Variants in AHCYL2 observed in about 807,000 individuals in gnomAD.
AHCYL2 encodes the protein S-adenosylhomocysteine hydrolase-like protein 2.
AHCYL2 carries 28 observed loss-of-function variants against 81.4 expected under a neutral mutation model. The ratio of observed to expected loss-of-function variants is 0.34; its 90% confidence interval spans 0.25 to 0.47. AHCYL2 has a LOEUF of 0.47. Ranked by LOEUF, AHCYL2 falls within the 20% of genes least tolerant of loss-of-function variation. The pLI, the probability that AHCYL2 is intolerant of heterozygous loss-of-function variation, is 1.00. For missense variants in AHCYL2, 551 were observed against 785.1 expected, an observed-to-expected ratio of 0.70 and a Z score of 3.56; for synonymous variants, 272 against 290.2, an observed-to-expected ratio of 0.94 and a Z score of 0.64.
intron 1 of AHCYL2, among the ~76,000 whole-genome samples, chr7:129,242,235 A>G (rs1172263066): frequency 6.6e-6 from 1 of 152,116 alleles, no homozygotes; most frequent in Non-Finnish European, 1.5e-5. Flanking sequence ...TGTGTTGCCC[A>G]GTCTGGTCTC....
At chr7:129,393,999 T>C (rs545399025) in intron 4 of AHCYL2, among the ~76,000 whole-genome samples, 14 of 152,180 alleles carry the variant, frequency 9.2e-5, no homozygotes, top group Admixed American at 8.5e-4. Context: ...AGTAATTTCT[T>C]TTTTTGTTGT....
At chr7:129,247,500 C>G (rs1031856855) in intron 1 of AHCYL2, among the ~76,000 whole-genome samples, 1 of 152,146 alleles carries the variant, frequency 6.6e-6, no homozygotes, top group African/African-American at 2.4e-5. Flanking sequence ...ATACTTTCTC[C>G]TAGTCTGTGG....
rs59849233 is a variant in AHCYL2, at chr7:129,280,178, C to CTTTTT, written c.363+54746_363+54750dup. On this transcript the variant is annotated intron_variant, in intron 1 of 16. Coordinates refer to ENST00000325006, the MANE Select transcript of AHCYL2 (RefSeq NM_015328.4). ...TTATAGTCTTTAAGTTTGCTAAATA[C>CTTTTT]TTTTTTTTTTTGAGAGAGTCTCGCT... Among the ~76,000 whole-genome samples, 181 of 112,554 alleles carry CTTTTT rather than the reference C, an allele frequency of 1.6e-3. 10 individuals are homozygous for CTTTTT. Among genetic ancestry groups the CTTTTT allele is most frequent in the East Asian group, 4.2e-3 (15 of 3,570 alleles). 73.8% of individuals were successfully genotyped at this position (112,554 alleles called of 152,430 possible).
intron 1 of AHCYL2, among the ~76,000 whole-genome samples, chr7:129,258,258 A>T (rs201174082): frequency 1.2e-5 from 1 of 80,876 alleles, no homozygotes. Flanking sequence ...CTTTAAAAGG[A>T]AAAAAAAAAA....
At position 129,429,642 on chromosome 7, in the gene AHCYL2, G is replaced by A. The variant is rs894898293; in HGVS notation, c.*2597G>A. ...AGCTTCCTGAGTAGCTGGAACCACA[G>A]GTGTGTGCTACCGTGCCTGGCACTT... On this transcript the variant is annotated 3_prime_UTR_variant, in exon 17 of 17. Transcript: ENST00000325006. 1.3e-5 allele frequency: 2 copies of A among 152,244 alleles called. No individual in the cohort carries two copies. The highest frequency in any genetic ancestry group is 2.9e-5 in the Non-Finnish European group (2 of 68,064). 9.4% of individuals were successfully genotyped at this position (152,244 alleles called of 1,614,324 possible).
At chr7:129,263,723 T>G (rs1051104451) in intron 1 of AHCYL2, among the ~76,000 whole-genome samples, 1 of 152,236 alleles carries the variant, frequency 6.6e-6, no homozygotes, top group Non-Finnish European at 1.5e-5. Flanking sequence ...TTAGCAAGAT[T>G]ACTTCAGATG....
intron 4 of AHCYL2, among the ~76,000 whole-genome samples, chr7:129,395,668 C>T (rs1374244419): frequency 6.6e-6 from 1 of 152,114 alleles, no homozygotes; most frequent in Non-Finnish European, 1.5e-5. Flanking sequence ...GGCTTTGGTT[C>T]CTATGAGAGA....
intron 1 of AHCYL2, among the ~76,000 whole-genome samples, chr7:129,331,074 TC>T (rs1798401367): frequency 6.6e-6 from 1 of 152,192 alleles, no homozygotes; most frequent in Non-Finnish European, 1.5e-5. Context: ...ATGGGAAACT[TC>T]CAGCAGTTCT....
chr7:129,392,095 C>T (rs1346241103), intron 4 of AHCYL2, among the ~76,000 whole-genome samples: 1 of 151,896 alleles, frequency 6.6e-6, no homozygotes, highest in Non-Finnish European at 1.5e-5. Flanking sequence ...TTCATGGTTC[C>T]CTTTCTATTT....
chr7:129,225,531 C>A (rs1563156634), intron 1 of AHCYL2, 92 bp downstream of exon 1: 9 of 1,397,586 alleles, frequency 6.4e-6, no homozygotes, highest in Non-Finnish European at 6.5e-6. Flanking sequence ...TCCACGCCCT[C>A]CTTTCTGATC....
At chr7:129,233,698 G>C (rs1417542457) in intron 1 of AHCYL2, among the ~76,000 whole-genome samples, 1 of 152,120 alleles carries the variant, frequency 6.6e-6, no homozygotes, top group Non-Finnish European at 1.5e-5. Context: ...GTGTTCGCCA[G>C]AATGGCTCAA....
chr7:129,306,242 A>G (rs1282897154), intron 1 of AHCYL2, among the ~76,000 whole-genome samples: 2 of 151,880 alleles, frequency 1.3e-5, no homozygotes, highest in Non-Finnish European at 1.5e-5. Context: ...TTTTGAGGCT[A>G]TGTTCTAGAT....
chr7:129,363,120 G>C (rs1261619044), intron 1 of AHCYL2, among the ~76,000 whole-genome samples: 1 of 152,068 alleles, frequency 6.6e-6, no homozygotes, highest in Non-Finnish European at 1.5e-5. Flanking sequence ...TCAGATACTT[G>C]GTCAATTTTT....
chr7:129,287,180 TG>T (rs1796665756), intron 1 of AHCYL2, among the ~76,000 whole-genome samples: 2 of 152,196 alleles, frequency 1.3e-5, no homozygotes, highest in African/African-American at 4.8e-5. Context: ...AAAACTCCAC[TG>T]TACACTTATA....
chr7:129,386,763 G>A lies in AHCYL2; in HGVS notation c.476-2293G>A, dbSNP rs76792158. ...TAGGAAGGGCAATCTCTTCTGGGTA[G>A]AGTTAGGACTCCAGTCTCAACCTCT... is the stretch of plus-strand genomic sequence containing the variant. On this transcript the variant is annotated intron_variant, in intron 2 of 16. Transcript: ENST00000325006. 4.9e-3 allele frequency among the ~76,000 whole-genome samples: 741 copies of A among 152,268 alleles called. 8 individuals carry two copies. Among genetic ancestry groups the A allele is most frequent in the African/African-American group, 0.017 (706 of 41,560 alleles).
At chr7:129,252,078 GC>G (rs1184076818) in intron 1 of AHCYL2, among the ~76,000 whole-genome samples, 10 of 152,182 alleles carry the variant, frequency 6.6e-5, no homozygotes, top group African/African-American at 2.4e-4. Flanking sequence ...ATCGAGCTGA[GC>G]CCCAGTCATG....
At position 129,422,886 on chromosome 7, in the gene AHCYL2, A is replaced by T; in HGVS notation, c.1508A>T (p.Gln503Leu). The change falls in exon 13 of 17, where the codon CAA (glutamine) becomes CTA (leucine). Residue 503 changes from glutamine (Q) to leucine (L), a missense_variant. Gln to Leu is a moderately radical substitution (Grantham distance 113). Around this residue, in one of 2 missense-constraint regions of AHCYL2, gnomAD observed 316 missense variants for 543.1 expected, o/e 0.58. Transcript: ENST00000325006. ...CTGACCTGGGAGCGAGTGAGATCTC[A>T]AGTTGACCATGTGATATGGCCTGAT... is the stretch of plus-strand genomic sequence containing the variant. ...PELTWERVRS[Q>L]VDHVIWPDGK... The T allele has an allele frequency of 6.2e-7, 1 of 1,614,130 alleles. No homozygotes were observed. Among genetic ancestry groups the T allele is most frequent in the Non-Finnish European group, 8.5e-7 (1 of 1,180,016 alleles).
intron 5 of AHCYL2, among the ~76,000 whole-genome samples, 191 bp from the exon 6 acceptor site, chr7:129,400,099 G>C (rs372440333): frequency 7.2e-5 from 11 of 152,136 alleles, no homozygotes; most frequent in African/African-American, 1.9e-4. Flanking sequence ...AATAAGAGCA[G>C]AATGACCAAC....
chr7:129,371,792 T>C (rs746782203), intron 1 of AHCYL2, among the ~76,000 whole-genome samples: 2 of 152,242 alleles, frequency 1.3e-5, no homozygotes, highest in Non-Finnish European at 2.9e-5. Context: ...TTGACTTTCA[T>C]GAGTATCCAG....
Sources: gnomAD v4.1 joint callset for allele counts (sites outside exome capture counted in the v4.1 genomes callset) on GRCh38, gnomAD v4.1.1 for gene constraint, gnomAD v4.1.1 regional missense constraint, MANE v1.5 for transcripts, NCBI Gene and HGNC (gene_info 2026-07-23, HGNC 2026-07-21) for gene names.